Variants in PPTC7 observed in about 807,000 individuals in gnomAD.
PPTC7 encodes protein phosphatase targeting COQ7, also known as protein phosphatase PTC7 homolog.
In PPTC7, 6 loss-of-function variants were observed where a neutral mutation model predicts 30.8. The observed-to-expected ratio is 0.19, with a 90% CI of 0.11 to 0.38. The LOEUF is 0.38. PPTC7 is among the 10% of genes least tolerant of loss of function. PPTC7 has a pLI of 1.00. For missense variants in PPTC7, 218 were observed against 404.8 expected (o/e 0.54, Z 3.96); for synonymous variants, 163 against 168.1 (o/e 0.97, Z 0.23).
chr12:110,574,942 CTT>C (rs77125076), intron 1 of PPTC7, among the ~76,000 whole-genome samples: 19 of 128,888 alleles, frequency 1.5e-4, no homozygotes, highest in East Asian at 2.2e-4. Context: ...CCATGCCCGG[CTT>C]TTTTTTTTTT....
At chr12:110,559,547 G>A (rs2064419843) in intron 1 of PPTC7, among the ~76,000 whole-genome samples, 1 of 151,618 alleles carries the variant, frequency 6.6e-6, no homozygotes, top group Non-Finnish European at 1.5e-5. Flanking sequence ...CCAACATGGT[G>A]AAACCCCGTC....
rs1593146867 is a variant in PPTC7, at chr12:110,546,164, A to G, written c.404-86T>C. The G allele has an allele frequency of 2.8e-6, 3 of 1,063,476 alleles. No homozygotes were observed. The African/African-American group carries it at 4.7e-5, about 17-fold the overall frequency. The allele number at this position is 1,063,476 out of a possible 1,614,324, so 65.9% of individuals were successfully genotyped here. A position where few individuals can be genotyped will look rare whatever the true frequency, so the allele number is the denominator to read the frequency against. ...TTAACACATGACCCCACAGAGCAACACACCATAATTTCAATCTCCTTTGCC... is the reference window on the plus strand; with the variant it reads ...TTAACACATGACCCCACAGAGCAACGCACCATAATTTCAATCTCCTTTGCC... On this transcript the variant is annotated intron_variant, in intron 2 of 5. Coordinates refer to ENST00000354300, the MANE Select transcript of PPTC7 (RefSeq NM_139283.2).
rs2064189626 is a variant in PPTC7 at position 110,533,605 on chromosome 12, C to T, written c.*3432G>A. The T allele has an allele frequency of 6.6e-6, 1 of 152,038 alleles. No individual in the cohort carries two copies. The highest frequency in any genetic ancestry group is 1.5e-5 in the Non-Finnish European group (1 of 68,014). 9.4% of individuals were successfully genotyped at this position (152,038 alleles called of 1,614,324 possible). On this transcript the variant is annotated 3_prime_UTR_variant, in exon 6 of 6. Transcript: ENST00000354300. The stretch of plus-strand genomic sequence containing the variant: ...ATAAGCAGATTTTGGTTTTTTGATA[C>T]TGTAAAATTTTTAAAATGCAAAAAT...
At chr12:110,569,670 GAAAACAAAACAA>G (rs1015974543) in intron 1 of PPTC7, among the ~76,000 whole-genome samples, 1 of 152,120 alleles carries the variant, frequency 6.6e-6, no homozygotes, top group Non-Finnish European at 1.5e-5. Context: ...CTTAGGAAAA[GAAAACAAAACAA>G]ATAGGGCTAT....
chr12:110,578,492 T>C (rs545391780), intron 1 of PPTC7, among the ~76,000 whole-genome samples: 4 of 152,264 alleles, frequency 2.6e-5, no homozygotes, highest in African/African-American at 7.2e-5. Context: ...CGAAACGAAA[T>C]ACAGTGGGGA....
At chr12:110,545,018 T>C (rs1019163096) in intron 3 of PPTC7, among the ~76,000 whole-genome samples, 1 of 152,142 alleles carries the variant, frequency 6.6e-6, no homozygotes, top group African/African-American at 2.4e-5. Flanking sequence ...CCAGCGATTT[T>C]CCAGCCTCAG....
At chr12:110,547,859 C>T (rs2135768443) in intron 2 of PPTC7, among the ~76,000 whole-genome samples, 1 of 152,250 alleles carries the variant, frequency 6.6e-6, no homozygotes, top group South Asian at 2.1e-4. Flanking sequence ...AATCCCAGCA[C>T]TTTGAGAGGC....
intron 1 of PPTC7, among the ~76,000 whole-genome samples, chr12:110,581,904 GCTTTA>G (rs2064640143): frequency 6.6e-6 from 1 of 152,226 alleles, no homozygotes; most frequent in African/African-American, 2.4e-5. Flanking sequence ...CGAGCGCATT[GCTTTA>G]TTCATTCAAA....
At chr12:110,568,819 C>G (rs1409132053) in intron 1 of PPTC7, among the ~76,000 whole-genome samples, 1 of 152,166 alleles carries the variant, frequency 6.6e-6, no homozygotes, top group African/African-American at 2.4e-5. Context: ...TTCCCTGGGT[C>G]AGAACTCGCT....
rs2064654018 is a variant in PPTC7, at chr12:110,583,058, G to C, written c.-27C>G. 7.3e-7 allele frequency: 1 copy of C among 1,363,466 alleles called. No homozygotes were observed. Among genetic ancestry groups the C allele is most frequent in the Non-Finnish European group, 9.4e-7 (1 of 1,068,056 alleles). 84.5% of individuals were successfully genotyped at this position (1,363,466 alleles called of 1,614,324 possible). ...GCCGCCGCCGCCCCCCCGAGGAGGCGGGGGGCCGGGGGAGCAGGAGGACGC... is the reference window on the plus strand; with the variant it reads ...GCCGCCGCCGCCCCCCCGAGGAGGCCGGGGGCCGGGGGAGCAGGAGGACGC... On this transcript the variant is annotated 5_prime_UTR_variant, in exon 1 of 6. Coordinates refer to ENST00000354300, the MANE Select transcript of PPTC7 (RefSeq NM_139283.2).
chr12:110,571,075 G>C (rs561816383), intron 1 of PPTC7, among the ~76,000 whole-genome samples: 1 of 152,236 alleles, frequency 6.6e-6, no homozygotes, highest in East Asian at 1.9e-4. Flanking sequence ...AGGACAAGTC[G>C]ACGAGAGATC....
chr12:110,576,013 G>A (rs1413586481), intron 1 of PPTC7, among the ~76,000 whole-genome samples: 1 of 152,108 alleles, frequency 6.6e-6, no homozygotes, highest in African/African-American at 2.4e-5. Context: ...CATCAACCCT[G>A]TAATCTTATG....
At chr12:110,578,483 G>T (rs567651091) in intron 1 of PPTC7, among the ~76,000 whole-genome samples, 3 of 152,114 alleles carry the variant, frequency 2.0e-5, no homozygotes, top group South Asian at 2.1e-4. Flanking sequence ...CAGTTTTTCC[G>T]AAACGAAATA....
intron 1 of PPTC7, among the ~76,000 whole-genome samples, chr12:110,552,369 C>T (rs909790902): frequency 1.3e-5 from 2 of 152,208 alleles, no homozygotes; most frequent in African/African-American, 2.4e-5. Flanking sequence ...CTGGAGATCA[C>T]AAAGAACATC....
chr12:110,564,371 T>G (rs2064462580), intron 1 of PPTC7, among the ~76,000 whole-genome samples: 1 of 152,194 alleles, frequency 6.6e-6, no homozygotes, highest in South Asian at 2.1e-4. Flanking sequence ...AATTCAAAAA[T>G]TAAGTAAGGA....
intron 1 of PPTC7, among the ~76,000 whole-genome samples, chr12:110,575,265 T>C (rs2064578718): frequency 6.6e-6 from 1 of 152,150 alleles, no homozygotes; most frequent in East Asian, 1.9e-4. Context: ...ACTTCCAGTT[T>C]GAAAAGTCAA....
At chr12:110,576,948 C>T (rs1283622587) in intron 1 of PPTC7, among the ~76,000 whole-genome samples, 2 of 152,096 alleles carry the variant, frequency 1.3e-5, no homozygotes, top group African/African-American at 4.8e-5. Context: ...AGGTGGATCA[C>T]CTGAGGTCAG....
At chr12:110,582,394 G>A (rs1330612569) in intron 1 of PPTC7, among the ~76,000 whole-genome samples, 1 of 152,214 alleles carries the variant, frequency 6.6e-6, no homozygotes, top group Non-Finnish European at 1.5e-5. Flanking sequence ...TGTGGTGTCG[G>A]GAGCACGCGA....
At chr12:110,580,759 ATTTT>A (rs934273025) in intron 1 of PPTC7, among the ~76,000 whole-genome samples, 1 of 146,534 alleles carries the variant, frequency 6.8e-6, no homozygotes, top group Non-Finnish European at 1.5e-5. Context: ...TTTTTATTTT[ATTTT>A]TTTTTTGAGA....
Sources: gnomAD v4.1 joint callset for allele counts (sites outside exome capture counted in the v4.1 genomes callset) on GRCh38, gnomAD v4.1.1 for gene constraint, MANE v1.5 for transcripts, NCBI Gene and HGNC (gene_info 2026-07-23, HGNC 2026-07-21) for gene names.